The following NARS2 variants were observed in gnomAD, a reference collection of about 807,000 sequenced individuals.
NARS2 encodes the protein asparaginyl-tRNA synthetase.
In NARS2, 60 loss-of-function variants were observed where a neutral mutation model predicts 62.9. The ratio of observed to expected loss-of-function variants is 0.95; its 90% CI spans 0.77 to 1.18. NARS2 has a LOEUF of 1.18. Ranked by LOEUF, NARS2 falls within the 50% of genes most tolerant of loss-of-function variation. The pLI, the probability that NARS2 is intolerant of heterozygous loss-of-function variation, is 0.00. For missense variants in NARS2, 619 were observed against 576.4 expected (o/e 1.07, Z -0.76); for synonymous variants, 196 against 200.0 (o/e 0.98, Z 0.17).
At chr11:78,521,590 A>G (rs1337200183) in intron 6 of NARS2, among the ~76,000 whole-genome samples, 1 of 152,062 alleles carries the variant, frequency 6.6e-6, no homozygotes, top group Non-Finnish European at 1.5e-5. Context: ...GGAGATCGAG[A>G]CCATCCCGGC....
intron 4 of NARS2, among the ~76,000 whole-genome samples, chr11:78,563,873 TAC>T (rs71046984): frequency 3.1e-5 from 3 of 96,334 alleles, no homozygotes; most frequent in African/African-American, 4.3e-5. Flanking sequence ...TATATATGTA[TAC>T]ACACACACAG....
chr11:78,466,642 G>A (rs965025395), intron 10 of NARS2, among the ~76,000 whole-genome samples: 8 of 151,918 alleles, frequency 5.3e-5, no homozygotes, highest in Non-Finnish European at 1.0e-4. Context: ...CACCATGCCC[G>A]GCTATTTTTT....
rs565940187 is a variant in NARS2 at position 78,480,556 on chromosome 11, A to G, written c.823-1873T>C. ...AGGTGTGAGCCACTGCGCCCAGCCT[A>G]TTTTCTTACATTCTATTACTATGGT... On this transcript the variant is annotated intron_variant, in intron 7 of 13. Coordinates refer to ENST00000281038, the MANE Select transcript of NARS2 (RefSeq NM_024678.6). Among the ~76,000 whole-genome samples, 21 of 150,264 alleles carry G rather than the reference A, an allele frequency of 1.4e-4. No individual in the cohort carries two copies. In the East Asian group the frequency reaches 4.1e-3, roughly 30 times the overall value.
chr11:78,495,313 T>C (rs1860012616), intron 6 of NARS2, among the ~76,000 whole-genome samples: 1 of 152,120 alleles, frequency 6.6e-6, no homozygotes, highest in South Asian at 2.1e-4. Flanking sequence ...CCCTACCCTG[T>C]ATTGCCTCCT....
chr11:78,539,157 TAAAAA>T (rs1001695711), intron 5 of NARS2, among the ~76,000 whole-genome samples: 6 of 151,812 alleles, frequency 4.0e-5, no homozygotes, highest in Non-Finnish European at 8.8e-5. Flanking sequence ...CATGATGAGT[TAAAAA>T]ATTCTTCTAG....
chr11:78,500,457 T>C (rs543364485), intron 6 of NARS2, among the ~76,000 whole-genome samples: 2 of 152,320 alleles, frequency 1.3e-5, no homozygotes, highest in Non-Finnish European at 2.9e-5. Context: ...GGCTACAGTT[T>C]GCATTTGCTT....
chr11:78,466,703 G>C (rs1252399847), intron 10 of NARS2, among the ~76,000 whole-genome samples: 1 of 152,036 alleles, frequency 6.6e-6, no homozygotes. Context: ...GGCTGGTCTT[G>C]AACTCCTGAT....
intron 6 of NARS2, among the ~76,000 whole-genome samples, chr11:78,514,753 G>C (rs996251426): frequency 1.3e-5 from 2 of 152,168 alleles, no homozygotes; most frequent in African/African-American, 4.8e-5. Context: ...GAAACGGGTA[G>C]AGAATCCAGT....
intron 7 of NARS2, among the ~76,000 whole-genome samples, chr11:78,482,222 A>C (rs1859385363): frequency 6.6e-6 from 1 of 152,154 alleles, no homozygotes; most frequent in South Asian, 2.1e-4. Context: ...ATAACTTAAA[A>C]ATATGGTCAG....
chr11:78,541,456 A>G (rs575729646), intron 5 of NARS2, among the ~76,000 whole-genome samples: 1 of 151,936 alleles, frequency 6.6e-6, no homozygotes, highest in African/African-American at 2.4e-5. Context: ...CACTGTGCCC[A>G]GCTCTCGCAT....
intron 11 of NARS2, among the ~76,000 whole-genome samples, chr11:78,460,141 A>C (rs1407399525): frequency 2.0e-5 from 3 of 152,234 alleles, no homozygotes; most frequent in Non-Finnish European, 4.4e-5. Flanking sequence ...ACAGTATAAC[A>C]GACTAGAGAA....
At chr11:78,500,597 T>C (rs1458579278) in intron 6 of NARS2, among the ~76,000 whole-genome samples, 1 of 152,068 alleles carries the variant, frequency 6.6e-6, no homozygotes, top group East Asian at 1.9e-4. Context: ...CCCCAGCCTC[T>C]TGAGTAGCGA....
Position 78,463,725 on chromosome 11 carries a change from A to AAC in NARS2, c.1164+2150_1164+2151insGT, listed in dbSNP as rs1361086767. On this transcript the variant is annotated intron_variant, in intron 11 of 13. Coordinates refer to ENST00000281038, the MANE Select transcript of NARS2 (RefSeq NM_024678.6). The stretch of plus-strand genomic sequence containing the variant: ...CTATAGTTAAGGTCAAAAAAAAAAA[A>AAC]AAAAAAAAAAAACCACAGGACAAGA... 9.3e-4 allele frequency among the ~76,000 whole-genome samples: 139 copies of AAC among 149,782 alleles called. No individual in the cohort carries two copies. The Middle Eastern group carries it at 0.01, about 11-fold the overall frequency.
At chr11:78,570,522 A>AAATCTCCACTATT in intron 2 of NARS2, among the ~76,000 whole-genome samples, 1 of 152,214 alleles carries the variant, frequency 6.6e-6, no homozygotes, top group African/African-American at 2.4e-5. Flanking sequence ...CGAGTAGTGG[A>AAATCTCCACTATT]GATTATTGGT....
At chr11:78,554,261 A>G (rs1038564065) in intron 5 of NARS2, among the ~76,000 whole-genome samples, 1 of 152,164 alleles carries the variant, frequency 6.6e-6, no homozygotes, top group African/African-American at 2.4e-5. Context: ...TCTGTTCCAT[A>G]TAAATGTTAA....
In NARS2 at chr11:78,520,477, A is replaced by G. The variant is rs551470055; in HGVS notation, c.689+8365T>C. Among the ~76,000 whole-genome samples, 4 of 152,334 alleles carry G rather than the reference A, an allele frequency of 2.6e-5. No homozygotes were observed. The East Asian group carries it at 7.7e-4, about 29-fold the overall frequency. Reference sequence around the variant, plus strand: ...AGTATGACATCATCTTAGCTTGATTACATCTGCAAAGACCCTGTTTCTAAA... The same window carrying G: ...AGTATGACATCATCTTAGCTTGATTGCATCTGCAAAGACCCTGTTTCTAAA... On this transcript the variant is annotated intron_variant, in intron 6 of 13. Transcript: ENST00000281038.
chr11:78,461,825 C>CGTCT (rs1291933105), intron 11 of NARS2, among the ~76,000 whole-genome samples: 7 of 149,544 alleles, frequency 4.7e-5, no homozygotes, highest in Non-Finnish European at 8.9e-5. Flanking sequence ...TGGTGGCATG[C>CGTCT]GTCTGTAGTC....
At chr11:78,538,717 C>T (rs534868666) in intron 5 of NARS2, among the ~76,000 whole-genome samples, 7 of 151,966 alleles carry the variant, frequency 4.6e-5, no homozygotes, top group South Asian at 2.1e-4. Flanking sequence ...GAGGTTAGGC[C>T]GGGCGCGGTG....
chr11:78,536,589 AAG>A (rs1284444222), intron 5 of NARS2, among the ~76,000 whole-genome samples: 1 of 152,230 alleles, frequency 6.6e-6, no homozygotes, highest in Non-Finnish European at 1.5e-5. Context: ...AGAATAATGA[AAG>A]AAAATATTTT....
Sources: gnomAD v4.1 joint callset for allele counts (sites outside exome capture counted in the v4.1 genomes callset) on GRCh38, gnomAD v4.1.1 for gene constraint, MANE v1.5 for transcripts, NCBI Gene and HGNC (gene_info 2026-07-23, HGNC 2026-07-21) for gene names.